WNT7A: variants seen among roughly 807,000 people sequenced by gnomAD.
WNT7A encodes protein Wnt-7a.
WNT7A carries 16 observed loss-of-function variants against 28.2 expected under a neutral mutation model. The observed-to-expected ratio is 0.57, with a 90% CI of 0.38 to 0.86. The LOEUF is 0.86. Ranked by LOEUF, WNT7A falls within the 40% of genes least tolerant of loss-of-function variation. The pLI, the probability that WNT7A is intolerant of heterozygous loss-of-function variation, is 0.00. For synonymous variants in WNT7A, 190 were observed against 195.9 expected (o/e 0.97, Z 0.25); for missense variants, 411 against 489.7 (o/e 0.84, Z 1.52).
intron 1 of WNT7A, chr3:13,877,071 C>T (rs1239172643): frequency 6.6e-6 from 1 of 152,212 alleles, no homozygotes; most frequent in Non-Finnish European, 1.5e-5. Flanking sequence ...TGTGGCACTT[C>T]AAAGATGTGG....
At chr3:13,825,437 G>C (rs1056416347) in intron 3 of WNT7A, among the ~76,000 whole-genome samples, 5 of 152,130 alleles carry the variant, frequency 3.3e-5, no homozygotes, top group African/African-American at 1.2e-4. Flanking sequence ...TACATGTAGT[G>C]GTATGTTGCT....
intron 3 of WNT7A, among the ~76,000 whole-genome samples, chr3:13,852,383 G>A (rs1214193787): frequency 6.6e-6 from 1 of 152,230 alleles, no homozygotes; most frequent in Admixed American, 6.5e-5. Context: ...CATTGCTCCT[G>A]TCGGTTTCCC....
At chr3:13,839,899 A>C (rs1296397335) in intron 3 of WNT7A, among the ~76,000 whole-genome samples, 2 of 152,224 alleles carry the variant, frequency 1.3e-5, no homozygotes, top group African/African-American at 4.8e-5. Context: ...AGCAGCCAGG[A>C]GGGAGCAGGG....
At chr3:13,852,794 C>A (rs551253633) in intron 3 of WNT7A, among the ~76,000 whole-genome samples, 5 of 152,132 alleles carry the variant, frequency 3.3e-5, no homozygotes, top group African/African-American at 1.2e-4. Context: ...CACAAAGGGG[C>A]GGGACGGGTG....
At chr3:13,877,133 T>C (rs1363365244) in intron 1 of WNT7A, 9 of 152,254 alleles carry the variant, frequency 5.9e-5, no homozygotes, top group Admixed American at 5.9e-4. Context: ...ATGCATCAAA[T>C]GCATCAGTAA....
intron 2 of WNT7A, among the ~76,000 whole-genome samples, chr3:13,859,222 G>C (rs1559304039): frequency 6.6e-6 from 1 of 152,126 alleles, no homozygotes; most frequent in South Asian, 2.1e-4. Flanking sequence ...CAAATTTAAG[G>C]TTTACAAGAT....
At chr3:13,830,831 T>C (rs752169779) in intron 3 of WNT7A, among the ~76,000 whole-genome samples, 2 of 152,274 alleles carry the variant, frequency 1.3e-5, no homozygotes, top group Non-Finnish European at 2.9e-5. Flanking sequence ...ATCCCTGTAG[T>C]CATCCTTTAC....
chr3:13,876,420 C>T (rs917297293), intron 1 of WNT7A, among the ~76,000 whole-genome samples: 4 of 152,148 alleles, frequency 2.6e-5, no homozygotes, highest in African/African-American at 4.8e-5. Context: ...TGGTGGTCCC[C>T]ACTCCATGTA....
intron 3 of WNT7A, among the ~76,000 whole-genome samples, chr3:13,844,811 C>T (rs771473304): frequency 2.0e-5 from 3 of 152,190 alleles, no homozygotes; most frequent in Non-Finnish European, 4.4e-5. Context: ...CAGCTGCCAA[C>T]TCCTGGTGCC....
At chr3:13,826,619 G>A (rs758128895) in intron 3 of WNT7A, among the ~76,000 whole-genome samples, 13 of 152,118 alleles carry the variant, frequency 8.5e-5, no homozygotes, top group South Asian at 4.2e-4. Flanking sequence ...TGGTGCTACC[G>A]AAATCTGACT....
At chr3:13,857,619 C>G (rs762753743) in intron 2 of WNT7A, among the ~76,000 whole-genome samples, 3 of 152,132 alleles carry the variant, frequency 2.0e-5, no homozygotes, top group Non-Finnish European at 4.4e-5. Context: ...GAAGACTCAC[C>G]CCCGGTCCAG....
chr3:13,864,311 G>A (rs983866506), intron 2 of WNT7A, among the ~76,000 whole-genome samples: 4 of 152,094 alleles, frequency 2.6e-5, no homozygotes, highest in African/African-American at 9.7e-5. Flanking sequence ...CCTGCAGGAT[G>A]CCTGGTCCCA....
At chr3:13,838,154 G>C (rs562303595) in intron 3 of WNT7A, among the ~76,000 whole-genome samples, 2 of 103,924 alleles carry the variant, frequency 1.9e-5, no homozygotes, top group Non-Finnish European at 2.2e-5. Flanking sequence ...CAGAGCAGGT[G>C]GGGGGCATGG....
chr3:13,866,665 A>G (rs555050025), intron 2 of WNT7A, among the ~76,000 whole-genome samples: 2 of 152,270 alleles, frequency 1.3e-5, no homozygotes, highest in East Asian at 3.9e-4. Flanking sequence ...GGCAGAGGGA[A>G]CAGTGAGGGA....
chr3:13,826,476 A>T (rs759315893), intron 3 of WNT7A, among the ~76,000 whole-genome samples: 6 of 152,170 alleles, frequency 3.9e-5, no homozygotes, highest in Non-Finnish European at 7.3e-5. Context: ...GGCATTTCAG[A>T]TTGGGAAACA....
Position 13,875,027 on chromosome 3 carries a change from C to A in WNT7A, c.218G>T (p.Cys73Phe), listed in dbSNP as rs1294829019. Reference sequence around the variant, plus strand: ...GCGGCCATTGCGGAACTGAAACTGACACTCGTCCAGGCCCATTTGTGAGCC... The same window carrying A: ...GCGGCCATTGCGGAACTGAAACTGAAACTCGTCCAGGCCCATTTGTGAGCC... The part of the protein sequence containing the change: ...GEGSQMGLDE[C>F]QFQFRNGRWN... The change falls in exon 2 of 4, where the codon TGT becomes TTT. Residue 73 changes from cysteine to phenylalanine, a missense_variant. Cys to Phe is a radical substitution (Grantham distance 205). Transcript: ENST00000285018. 2.5e-6 allele frequency: 4 copies of A among 1,614,242 alleles called. No homozygotes were observed. The South Asian group carries it at 4.4e-5, about 18-fold the overall frequency.
At chr3:13,838,617 GC>G (rs1694407068) in intron 3 of WNT7A, among the ~76,000 whole-genome samples, 1 of 152,236 alleles carries the variant, frequency 6.6e-6, no homozygotes. Flanking sequence ...ACAGGAGGGA[GC>G]TGGGAAAGGG....
At chr3:13,849,530 G>A (rs1694595213) in intron 3 of WNT7A, among the ~76,000 whole-genome samples, 2 of 152,250 alleles carry the variant, frequency 1.3e-5, no homozygotes, top group South Asian at 4.2e-4. Context: ...CACTTACGAT[G>A]CGCCAGGCAC....
At chr3:13,833,675 A>G (rs1694318517) in intron 3 of WNT7A, among the ~76,000 whole-genome samples, 1 of 152,176 alleles carries the variant, frequency 6.6e-6, no homozygotes, top group African/African-American at 2.4e-5. Context: ...CCCAGAGTCT[A>G]GGTTAGTGGG....
Sources: allele counts gnomAD v4.1 joint callset (sites outside exome capture counted in the v4.1 genomes callset), GRCh38; gene constraint gnomAD v4.1.1; transcripts MANE v1.5; gene names NCBI Gene and HGNC (gene_info 2026-07-23, HGNC 2026-07-21).